RELN: variants seen among roughly 807,000 people sequenced by gnomAD.
The protein encoded by RELN is reelin.
Under a neutral mutation model 427.6 loss-of-function variants are expected in RELN, and 108 were observed. That is an observed-to-expected ratio of 0.25 (90% confidence interval 0.22 to 0.30). The LOEUF (loss-of-function observed/expected upper bound fraction) is 0.30, where lower values mean the gene tolerates loss of function less well. RELN is among the 10% of genes least tolerant of loss of function. The pLI is 1.00. For missense variants in RELN, 3,715 were observed against 4,302.8 expected (o/e 0.86, Z 3.82); for synonymous variants, 1,524 against 1,513.4 (o/e 1.01, Z -0.16).
rs943410364 is a variant in RELN at position 103,569,647 on chromosome 7, C to T, written c.4588+2537G>A. On this transcript the variant is annotated intron_variant, in intron 31 of 64. Transcript: ENST00000428762. The surrounding 1 kb of genome is among the most constrained non-coding windows in gnomAD (Gnocchi z 4.0). ...GCTTTTTAAGGAGTGCCACATATAC[C>T]TCAGGCAGTAACAAGGTCTGCAGAG... is the stretch of plus-strand genomic sequence containing the variant. Among the ~76,000 whole-genome samples, 1 of 152,152 alleles carries T rather than the reference C, an allele frequency of 6.6e-6. No homozygotes were observed. Among genetic ancestry groups the T allele is most frequent in the Admixed American group, 6.5e-5 (1 of 15,274 alleles).
intron 42 of RELN, among the ~76,000 whole-genome samples, chr7:103,544,392 CTTTTTTGTATT>C (rs751470321): frequency 9.2e-5 from 14 of 151,616 alleles, no homozygotes; most frequent in Non-Finnish European, 1.5e-4. Context: ...GCGTGCCCGG[CTTTTTTGTATT>C]TTTAGTAGAG....
At chr7:103,893,572 G>C (rs192706948) in intron 2 of RELN, among the ~76,000 whole-genome samples, 1 of 152,124 alleles carries the variant, frequency 6.6e-6, no homozygotes, top group Non-Finnish European at 1.5e-5. Flanking sequence ...AAGATCTAAT[G>C]TATATATAGA....
At chr7:103,920,687 C>T (rs1184253075) in intron 1 of RELN, among the ~76,000 whole-genome samples, 1 of 150,794 alleles carries the variant, frequency 6.6e-6, no homozygotes, top group East Asian at 2.0e-4. Flanking sequence ...CATTCTCGTG[C>T]CTCAGCCTCC....
intron 53 of RELN, among the ~76,000 whole-genome samples, chr7:103,499,743 C>T (rs181844807): frequency 1.8e-4 from 28 of 152,218 alleles, no homozygotes; most frequent in Middle Eastern, 3.4e-3. Context: ...TGGTTAACCA[C>T]GTAAACTTTC....
At chr7:103,942,108 T>C (rs1303425565) in intron 1 of RELN, among the ~76,000 whole-genome samples, 2 of 152,204 alleles carry the variant, frequency 1.3e-5, no homozygotes, top group Non-Finnish European at 2.9e-5. Context: ...AAGAGATACT[T>C]TTTAAAATTA....
intron 2 of RELN, among the ~76,000 whole-genome samples, chr7:103,901,684 G>A (rs1795087859): frequency 6.6e-6 from 1 of 152,046 alleles, no homozygotes; most frequent in South Asian, 2.1e-4. Flanking sequence ...TATAGGAAAT[G>A]TCCAGAATAG....
At chr7:103,794,888 G>A (rs1792261515) in intron 3 of RELN, among the ~76,000 whole-genome samples, 1 of 151,956 alleles carries the variant, frequency 6.6e-6, no homozygotes, top group African/African-American at 2.4e-5. Context: ...CAGAAACCCT[G>A]GTATATAGGT....
intron 2 of RELN, among the ~76,000 whole-genome samples, chr7:103,852,318 T>C (rs1243304054): frequency 6.6e-6 from 1 of 152,132 alleles, no homozygotes; most frequent in South Asian, 2.1e-4. Context: ...AGAAAAACTG[T>C]AATGAATGTA....
rs772404484 is a variant in RELN at position 103,500,886 on chromosome 7, G to T, written c.8526C>A (p.Asp2842Glu). The T allele has an allele frequency of 1.2e-6, 2 of 1,614,118 alleles. No individual in the cohort carries two copies. Among genetic ancestry groups the T allele is most frequent in the East Asian group, 2.2e-5 (1 of 44,884 alleles). The change falls in exon 53 of 65, where the codon GAC becomes GAA. Residue 2842 changes from aspartate to glutamate, a missense_variant. Physicochemically the swap from Asp to Glu is conservative, Grantham distance 45. Coordinates refer to ENST00000428762, the MANE Select transcript of RELN (RefSeq NM_005045.4). ...AGAAATTATCGATTGCCCACTGCATGTCTGAGTACTTCTGATAGAACCTAA... is the reference window on the plus strand; with the variant it reads ...AGAAATTATCGATTGCCCACTGCATTTCTGAGTACTTCTGATAGAACCTAA... ...VRFRFYQKYSDMQWAIDNFYL... is the reference protein window; with the variant it reads ...VRFRFYQKYSEMQWAIDNFYL...
chr7:103,974,096 C>T (rs1175022319), intron 1 of RELN, among the ~76,000 whole-genome samples: 2 of 152,120 alleles, frequency 1.3e-5, no homozygotes, highest in Non-Finnish European at 2.9e-5. Context: ...TGAGCCGAGA[C>T]GGTGCCACTG....
At chr7:103,501,211 T>C (rs1046391638) in intron 52 of RELN, among the ~76,000 whole-genome samples, 1 of 152,212 alleles carries the variant, frequency 6.6e-6, no homozygotes, top group Non-Finnish European at 1.5e-5. Flanking sequence ...TACACAAATC[T>C]GTAACTTTCA....
chr7:103,755,696 G>A (rs146052539), intron 4 of RELN, among the ~76,000 whole-genome samples: 10 of 148,486 alleles, frequency 6.7e-5, no homozygotes, highest in Non-Finnish European at 1.5e-4. Context: ...GGTGCCTGTA[G>A]TCCCAGCTAC....
chr7:103,760,113 T>A (rs374741481), intron 4 of RELN, among the ~76,000 whole-genome samples: 128 of 150,880 alleles, frequency 8.5e-4, no homozygotes, highest in African/African-American at 3.0e-3. Context: ...AATAACATTT[T>A]AATAGGTTAA....
intron 3 of RELN, among the ~76,000 whole-genome samples, chr7:103,793,155 T>C (rs1792209281): frequency 6.6e-6 from 1 of 152,166 alleles, no homozygotes; most frequent in Admixed American, 6.5e-5. Flanking sequence ...TAATTTTTCT[T>C]TTGCAATGTA....
rs146986040 is a variant in RELN at position 103,661,529 on chromosome 7, T to TA, written c.1290-3dup. On this transcript the variant is annotated splice_region_variant and splice_polypyrimidine_tract_variant and intron_variant, in intron 11 of 64. Transcript: ENST00000428762. Reference sequence around the variant, plus strand: ...ATGACAGCTCCCAAGACATCCCATCTAAAAAAAAAGGGGGATTAAGAGTTA... The same window carrying TA: ...ATGACAGCTCCCAAGACATCCCATCTAAAAAAAAAAGGGGGATTAAGAGTTA... The TA allele has an allele frequency of 2.9e-3, 4,605 of 1,585,310 alleles. 78 individuals carry two copies. In the African/African-American group the frequency reaches 0.05, roughly 17 times the overall value.
chr7:103,634,501 T>C (rs1027162178), intron 19 of RELN, among the ~76,000 whole-genome samples: 3 of 152,096 alleles, frequency 2.0e-5, no homozygotes, highest in African/African-American at 7.2e-5. Context: ...TCTGCCAACA[T>C]TGAAAGATAG....
chr7:103,483,762 C>A lies in RELN; in HGVS notation c.10072G>T (p.Ala3358Ser). 3 of 1,614,130 alleles carry A rather than the reference C, an allele frequency of 1.9e-6. No homozygotes were observed. The highest frequency in any genetic ancestry group is 2.5e-6 in the Non-Finnish European group (3 of 1,179,952). Residue 3358 changes from alanine (A) to serine (S), a missense_variant, in exon 62 of 65, where the codon GCA becomes TCA. Coordinates refer to ENST00000428762, the MANE Select transcript of RELN (RefSeq NM_005045.4). ...DLSGPHAVDK[A>S]VLLQYSVNNG... ...TTGACGCTGTATTGCAGCAGCACTGCCTTGTCCACAGCGTGGGGGCCACTC... is the reference window on the plus strand; with the variant it reads ...TTGACGCTGTATTGCAGCAGCACTGACTTGTCCACAGCGTGGGGGCCACTC...
intron 57 of RELN, among the ~76,000 whole-genome samples, chr7:103,492,462 G>T (rs1562849064): frequency 6.6e-6 from 1 of 151,932 alleles, no homozygotes; most frequent in Non-Finnish European, 1.5e-5. Flanking sequence ...TTCGTTCTTG[G>T]GGTTTTCTGT....
At chr7:103,954,633 C>A (rs1796397942) in intron 1 of RELN, among the ~76,000 whole-genome samples, 1 of 152,144 alleles carries the variant, frequency 6.6e-6, no homozygotes, top group Admixed American at 6.5e-5. Flanking sequence ...TTACCAAATA[C>A]CCTTGAGACC....
Sources: allele counts gnomAD v4.1 joint callset (sites outside exome capture counted in the v4.1 genomes callset), GRCh38; gene constraint gnomAD v4.1.1; non-coding constraint Gnocchi (gnomAD v3.1); transcripts MANE v1.5; gene names NCBI Gene and HGNC (gene_info 2026-07-23, HGNC 2026-07-21).